The following BOP1 variants were observed in gnomAD, a reference collection of about 807,000 sequenced individuals.
BOP1 encodes ribosome biogenesis protein BOP1.
A neutral mutation model predicts 82.9 loss-of-function variants in BOP1; 54 were observed. The observed-to-expected ratio is 0.65, with a 90% CI of 0.52 to 0.82. The LOEUF (loss-of-function observed/expected upper bound fraction) is 0.82, where lower values mean the gene tolerates loss of function less well. BOP1 is among the 40% of genes least tolerant of loss of function. BOP1 has a pLI of 0.00. For missense variants in BOP1, 1,170 were observed against 1,072.0 expected (o/e 1.09, Z -1.28); for synonymous variants, 566 against 451.1 (o/e 1.25, Z -3.23).
intron 2 of BOP1, among the ~76,000 whole-genome samples, chr8:144,277,786 C>T (rs908837827): frequency 2.8e-4 from 15 of 54,078 alleles, no homozygotes; most frequent in Admixed American, 5.0e-4. Flanking sequence ...GCCCAGCGCC[C>T]GAAGGGCAGG....
At position 144,264,644 on chromosome 8, in the gene BOP1, C is replaced by T. The variant is rs1167524962; in HGVS notation, c.664-28G>A. On this transcript the variant is annotated intron_variant, in intron 5 of 15. Transcript: ENST00000569669. Reference sequence around the variant, plus strand: ...GGGGGAGAAGATGTGGGCGTGTGGGCCAGAGTGGCTGAGGCCCTGCTGGTG... The same window carrying T: ...GGGGGAGAAGATGTGGGCGTGTGGGTCAGAGTGGCTGAGGCCCTGCTGGTG... 37 of 1,574,410 alleles carry T rather than the reference C, an allele frequency of 2.4e-5. No homozygotes were observed. In the Admixed American group the frequency reaches 2.9e-4, roughly 13 times the overall value.
intron 1 of BOP1, among the ~76,000 whole-genome samples, chr8:144,290,899 A>G (rs376466085): frequency 6.6e-6 from 1 of 152,252 alleles, no homozygotes; most frequent in Non-Finnish European, 1.5e-5. Context: ...AGGTTTTCTT[A>G]TTCTCATGTC....
At position 144,277,267 on chromosome 8, in the gene BOP1, G is replaced by C. The variant is rs778655359; in HGVS notation, c.310-963C>G. Among the ~76,000 whole-genome samples the C allele has an allele frequency of 6.0e-3, 912 of 152,244 alleles. 8 individuals carry two copies. Among genetic ancestry groups the C allele is most frequent in the Non-Finnish European group, 0.011 (733 of 67,994 alleles). On this transcript the variant is annotated intron_variant, in intron 2 of 15. Transcript: ENST00000569669. The stretch of plus-strand genomic sequence containing the variant: ...GAGACTAAGTTTTTTCCCAGGCCAG[G>C]AACAAGGAAGGATTCAGTTTCCACG...
Position 144,263,915 on chromosome 8 carries a change from G to C in BOP1, c.1141-4C>G. On this transcript the variant is annotated splice_region_variant and splice_polypyrimidine_tract_variant and intron_variant, in intron 8 of 15. Transcript: ENST00000569669. ...GGTCCTCAGGGTCTACATTCACCTGGGGCAGGAGAGCGCCAGGTCAGCCTT... is the reference window on the plus strand; with the variant it reads ...GGTCCTCAGGGTCTACATTCACCTGCGGCAGGAGAGCGCCAGGTCAGCCTT... The C allele has an allele frequency of 6.2e-7, 1 of 1,611,364 alleles. No individual in the cohort carries two copies. Among genetic ancestry groups the C allele is most frequent in the Non-Finnish European group, 8.5e-7 (1 of 1,179,310 alleles).
Position 144,263,044 on chromosome 8 carries a change from C to T in BOP1, c.1703G>A (p.Arg568His), listed in dbSNP as rs1280541456. Residue 568 changes from arginine to histidine, a missense_variant, in exon 13 of 16, where the codon CGT becomes CAT. Coordinates refer to ENST00000569669, the MANE Select transcript of BOP1 (RefSeq NM_015201.5). ...HTQVLIHQLS[R>H]RRSQSPFRRS... ...GCGGAACGGACTCTGGCTGCGGCGA[C>T]GGCTCAGCTGGTGAATCAGCACCTG... 64 of 1,577,152 alleles carry T rather than the reference C, an allele frequency of 4.1e-5. No individual in the cohort carries two copies. The East Asian group carries it at 7.8e-4, about 19-fold the overall frequency.
chr8:144,262,998 C>G lies in BOP1; in HGVS notation c.1749G>C (p.Gln583His). 6.4e-7 allele frequency: 1 copy of G among 1,556,568 alleles called. No homozygotes were observed. Residue 583 changes from glutamine to histidine, a missense_variant, in exon 13 of 16, where the codon CAG becomes CAC. Transcript: ENST00000569669. ...SPFRRSHGQV[Q>H]RVAFHPARPF... Reference sequence around the variant, plus strand: ...GCCGGGCAGGGTGGAAGGCCACTCGCTGCACCTGTCCGTGGCTGCGGCGGA... The same window carrying G: ...GCCGGGCAGGGTGGAAGGCCACTCGGTGCACCTGTCCGTGGCTGCGGCGGA...
chr8:144,262,774 A>ACCCCCCCCCCCCCC (rs1384091649), intron 13 of BOP1, 79 bp downstream of exon 13: 95 of 670,128 alleles, frequency 1.4e-4, no homozygotes, highest in East Asian at 9.2e-4. Context: ...CACTGCCCCT[A>ACCCCCCCCCCCCCC]CCCCCACCCC....
At chr8:144,268,279 G>A (rs924454803) in intron 3 of BOP1, 155 of 1,285,696 alleles carry the variant, frequency 1.2e-4, no homozygotes, top group African/African-American at 1.2e-3. Context: ...CCCTGGCTGC[G>A]AGCGGGGCCG....
chr8:144,266,933 C>A, intron 3 of BOP1: 1 of 1,558,844 alleles, frequency 6.4e-7, no homozygotes, highest in Non-Finnish European at 8.6e-7. Flanking sequence ...ACCGAGCCCG[C>A]CGACCGCAAG....
intron 3 of BOP1, chr8:144,265,509 C>CCT: frequency 4.7e-6 from 1 of 214,390 alleles, no homozygotes; most frequent in African/African-American, 2.3e-5. Flanking sequence ...GAAGCCAAGA[C>CCT]CTCTCTGTGG....
chr8:144,277,817 T>TTCAGGCAGGG, intron 2 of BOP1, among the ~76,000 whole-genome samples: 2 of 150,804 alleles, frequency 1.3e-5, no homozygotes, highest in East Asian at 1.9e-4. Context: ...GCAGGGGCGG[T>TTCAGGCAGGG]GCGGGCAGGG....
chr8:144,266,745 G>A, intron 3 of BOP1: 1 of 1,089,090 alleles, frequency 9.2e-7, no homozygotes, highest in Non-Finnish European at 1.1e-6. Flanking sequence ...GCGTGCACGC[G>A]GCGCGCTGCG....
At chr8:144,265,598 C>A (rs1362944861) in intron 3 of BOP1, 3 of 165,538 alleles carry the variant, frequency 1.8e-5, no homozygotes, top group African/African-American at 4.8e-5. Context: ...TGGTTGCAGC[C>A]CCTGCCAGCC....
Position 144,289,301 on chromosome 8 carries a change from G to A in BOP1, c.103C>T (p.Pro35Ser). ...CTGAGAGGAGAGGTGCAGAGGAGGGGGGGCTGCAAGGAAACACTGGGTTGG... is the reference window on the plus strand; with the variant it reads ...CTGAGAGGAGAGGTGCAGAGGAGGGAGGGCTGCAAGGAAACACTGGGTTGG... ...ELEPEPEPEP[P>S]LLCTSPLSHS... The change falls in exon 2 of 16, where the codon CCC becomes TCC. Residue 35 changes from proline (P) to serine (S), a missense_variant. By Grantham distance (74) the Pro-to-Ser change is moderately conservative. Coordinates refer to ENST00000569669, the MANE Select transcript of BOP1 (RefSeq NM_015201.5). 8 of 1,613,540 alleles carry A rather than the reference G, an allele frequency of 5.0e-6. No homozygotes were observed. Among genetic ancestry groups the A allele is most frequent in the Non-Finnish European group, 6.8e-6 (8 of 1,179,836 alleles).
intron 2 of BOP1, among the ~76,000 whole-genome samples, chr8:144,283,217 A>G (rs1412916389): frequency 1.0e-4 from 15 of 149,906 alleles, no homozygotes; most frequent in Non-Finnish European, 2.2e-4. Flanking sequence ...AAAAAAAAAA[A>G]AAAAAAAAGA....
chr8:144,276,388 C>G, intron 2 of BOP1, 84 bp from the exon 3 acceptor site: 1 of 1,477,296 alleles, frequency 6.8e-7, no homozygotes, highest in African/African-American at 1.4e-5. Flanking sequence ...GCCCACCACC[C>G]CGAAATCTCT....
chr8:144,275,760 G>A (rs1247257822), intron 3 of BOP1, among the ~76,000 whole-genome samples: 1 of 152,130 alleles, frequency 6.6e-6, no homozygotes. Flanking sequence ...ATTAGGAGGT[G>A]GCCCTGGCCC....
intron 3 of BOP1, among the ~76,000 whole-genome samples, chr8:144,275,005 G>A (rs929300599): frequency 6.6e-6 from 1 of 152,102 alleles, no homozygotes; most frequent in Non-Finnish European, 1.5e-5. Flanking sequence ...AATTTATTTT[G>A]TTTTGTCTCT....
chr8:144,288,969 G>T (rs1588611249), intron 2 of BOP1, 126 bp downstream of exon 2: 1 of 1,021,320 alleles, frequency 9.8e-7, no homozygotes, highest in Non-Finnish European at 1.5e-6. Flanking sequence ...CAGGTGCAGT[G>T]AAGGAGGGAC....
Sources: gnomAD v4.1 joint callset for allele counts (sites outside exome capture counted in the v4.1 genomes callset) on GRCh38, gnomAD v4.1.1 for gene constraint, MANE v1.5 for transcripts, NCBI Gene and HGNC (gene_info 2026-07-23, HGNC 2026-07-21) for gene names.